The following GRID1 variants were observed in gnomAD, a reference collection of about 807,000 sequenced individuals.
GRID1 encodes the protein glutamate receptor ionotropic, delta-1.
GRID1 carries 28 observed loss-of-function variants against 98.0 expected under a neutral mutation model. The ratio of observed to expected loss-of-function variants is 0.29; its 90% CI spans 0.21 to 0.39. GRID1 has a LOEUF of 0.39. Ranked by LOEUF, GRID1 falls within the 10% of genes least tolerant of loss-of-function variation. The pLI is 1.00. For synonymous variants in GRID1, 553 were observed against 538.5 expected, an observed-to-expected ratio of 1.03 and a Z score of -0.37; for missense variants, 1,111 against 1,340.5, an observed-to-expected ratio of 0.83 and a Z score of 2.67.
At chr10:85,728,500 A>G (rs1841787604) in intron 9 of GRID1, among the ~76,000 whole-genome samples, 1 of 152,222 alleles carries the variant, frequency 6.6e-6, no homozygotes, top group South Asian at 2.1e-4. Context: ...AAAAAGCATT[A>G]TATCTACAGG....
chr10:86,194,888 C>A (rs974670738), intron 3 of GRID1, among the ~76,000 whole-genome samples: 5 of 152,070 alleles, frequency 3.3e-5, no homozygotes, highest in Non-Finnish European at 5.9e-5. Context: ...CACCCCTTGT[C>A]CCACTTACAG....
At chr10:86,118,626 T>C (rs1166509643) in intron 4 of GRID1, among the ~76,000 whole-genome samples, 1 of 152,190 alleles carries the variant, frequency 6.6e-6, no homozygotes, top group Non-Finnish European at 1.5e-5. Context: ...AATAGTGAGA[T>C]CTTTCCAAAG....
intron 3 of GRID1, among the ~76,000 whole-genome samples, chr10:86,160,655 A>G (rs980939873): frequency 1.3e-4 from 20 of 152,206 alleles, no homozygotes; most frequent in African/African-American, 3.9e-4. Flanking sequence ...CCATAGGAAG[A>G]AGGCCACAGC....
chr10:86,343,971 C>A (rs1171109048), intron 2 of GRID1, among the ~76,000 whole-genome samples: 23 of 152,252 alleles, frequency 1.5e-4, no homozygotes, highest in Admixed American at 1.5e-3. Flanking sequence ...CCACGCCTGG[C>A]CCTTGGCGTT....
At chr10:86,335,814 A>C (rs1848213649) in intron 2 of GRID1, among the ~76,000 whole-genome samples, 1 of 152,226 alleles carries the variant, frequency 6.6e-6, no homozygotes, top group Non-Finnish European at 1.5e-5. Context: ...TGACTCTTTC[A>C]AACTCCTCAC....
At chr10:86,266,956 T>TC (rs1408120714) in intron 2 of GRID1, among the ~76,000 whole-genome samples, 2 of 152,018 alleles carry the variant, frequency 1.3e-5, no homozygotes, top group East Asian at 3.9e-4. Flanking sequence ...AGAGCCTCTG[T>TC]CCCCAAGAAC....
chr10:85,791,112 A>C (rs1284777055), intron 8 of GRID1, among the ~76,000 whole-genome samples: 1 of 152,110 alleles, frequency 6.6e-6, no homozygotes, highest in Non-Finnish European at 1.5e-5. Flanking sequence ...ATCGATACCC[A>C]CCTGGCAGCT....
At chr10:86,218,612 T>C (rs1193762219) in intron 2 of GRID1, among the ~76,000 whole-genome samples, 1 of 152,184 alleles carries the variant, frequency 6.6e-6, no homozygotes, top group African/African-American at 2.4e-5. Flanking sequence ...CTGCACCTGC[T>C]GTTCCCCTGC....
intron 3 of GRID1, among the ~76,000 whole-genome samples, chr10:86,184,416 T>G (rs556920528): frequency 6.6e-6 from 1 of 152,102 alleles, no homozygotes; most frequent in African/African-American, 2.4e-5. Flanking sequence ...GTATTTTGAC[T>G]TATTTTTACA....
Position 85,790,538 on chromosome 10 carries a change from G to A in GRID1, c.1234-60924C>T, listed in dbSNP as rs77048160. On this transcript the variant is annotated intron_variant, in intron 8 of 15. Transcript: ENST00000327946. ...AAGGAAGGTCCTGTCTGGGCAGAGG[G>A]AGTGGGGGGAAGGGTGTGGAGTTCA... Among the ~76,000 whole-genome samples, 1,176 of 152,318 alleles carry A rather than the reference G, an allele frequency of 7.7e-3. 16 individuals carry two copies. Among genetic ancestry groups the A allele is most frequent in the African/African-American group, 0.026 (1,077 of 41,572 alleles).
chr10:85,870,358 A>T (rs1843266195), intron 5 of GRID1, among the ~76,000 whole-genome samples: 1 of 152,218 alleles, frequency 6.6e-6, no homozygotes, highest in Non-Finnish European at 1.5e-5. Context: ...CCACAGGCTG[A>T]AGGCTGCACT....
intron 4 of GRID1, among the ~76,000 whole-genome samples, chr10:85,971,317 A>ATTTTCC (rs1319703007): frequency 1.3e-5 from 2 of 152,214 alleles, no homozygotes; most frequent in Non-Finnish European, 2.9e-5. Flanking sequence ...GGCAGTAACC[A>ATTTTCC]TTTAAAAATA....
chr10:85,834,177 C>A (rs1213652781), intron 8 of GRID1, among the ~76,000 whole-genome samples: 2 of 152,116 alleles, frequency 1.3e-5, no homozygotes, highest in African/African-American at 4.8e-5. Context: ...CATGTCAAGA[C>A]ATATCATAAT....
At chr10:86,203,761 C>A (rs1385553666) in intron 3 of GRID1, among the ~76,000 whole-genome samples, 5 of 151,950 alleles carry the variant, frequency 3.3e-5, no homozygotes. Flanking sequence ...CTCTGGGGTT[C>A]TCCGCTCACC....
chr10:86,313,140 C>T (rs114512280), intron 2 of GRID1, among the ~76,000 whole-genome samples: 1,817 of 152,296 alleles, frequency 0.012, 36 homozygotes, highest in African/African-American at 0.041. Flanking sequence ...GTGGAGGGAA[C>T]TGGGGTTGAG....
intron 4 of GRID1, among the ~76,000 whole-genome samples, chr10:86,004,564 A>G (rs1384461862): frequency 6.6e-6 from 1 of 152,186 alleles, no homozygotes; most frequent in East Asian, 1.9e-4. Context: ...GGCCTCTCCC[A>G]ACAAGAGGGA....
intron 8 of GRID1, among the ~76,000 whole-genome samples, chr10:85,777,343 A>C (rs2132721772): frequency 6.6e-6 from 1 of 152,292 alleles, no homozygotes; most frequent in South Asian, 2.1e-4. Context: ...TGTCCACTCA[A>C]CAAATCCATT....
intron 8 of GRID1, among the ~76,000 whole-genome samples, chr10:85,798,877 T>A (rs1475360671): frequency 6.6e-6 from 1 of 152,132 alleles, no homozygotes; most frequent in Non-Finnish European, 1.5e-5. Context: ...TTAGTCTATT[T>A]TTGTATTTGT....
intron 3 of GRID1, among the ~76,000 whole-genome samples, chr10:86,162,041 G>A (rs904133260): frequency 1.2e-4 from 19 of 152,224 alleles, no homozygotes; most frequent in African/African-American, 3.4e-4. Context: ...CTGGAGGGAC[G>A]GCAAGACACC....
Sources: allele counts gnomAD v4.1 joint callset (sites outside exome capture counted in the v4.1 genomes callset), GRCh38; gene constraint gnomAD v4.1.1; transcripts MANE v1.5; gene names NCBI Gene and HGNC (gene_info 2026-07-23, HGNC 2026-07-21).